Variants in MAMDC4 observed in about 807,000 individuals in gnomAD.
MAMDC4 encodes MAM domain containing 4.
Under a neutral mutation model 153.3 loss-of-function variants are expected in MAMDC4, and 168 were observed. The observed-to-expected ratio is 1.10, with a 90% CI of 0.97 to 1.25. The LOEUF is 1.25. Ranked by LOEUF, MAMDC4 falls within the 50% of genes most tolerant of loss-of-function variation. The pLI is 0.00. For missense variants in MAMDC4, 1,701 were observed against 1,542.8 expected (o/e 1.10, Z -1.72); for synonymous variants, 744 against 651.5 (o/e 1.14, Z -2.16).
intron 14 of MAMDC4, 196 bp downstream of exon 14, chr9:136,856,345 C>A: frequency 1.0e-6 from 1 of 998,088 alleles, no homozygotes; most frequent in Non-Finnish European, 1.6e-6. Flanking sequence ...GGAAGGTGGA[C>A]AAGGTCCTTC....
chr9:136,856,508 G>A (rs1202260910), intron 14 of MAMDC4: 1 of 786,610 alleles, frequency 1.3e-6, no homozygotes, highest in African/African-American at 1.7e-5. Context: ...CTGACCAGCA[G>A]GGAGCTGGGG....
intron 26 of MAMDC4, 58 bp downstream of exon 26, chr9:136,860,122 G>T: frequency 1.4e-6 from 2 of 1,480,800 alleles, no homozygotes; most frequent in South Asian, 1.4e-5. Flanking sequence ...TGACGCTGGA[G>T]GGCGGGCAGT....
rs545693065 is a variant in MAMDC4, at chr9:136,858,550, C to T, written c.2821+4C>T. 46 of 1,567,772 alleles carry T rather than the reference C, an allele frequency of 2.9e-5. No individual in the cohort carries two copies. The highest frequency in any genetic ancestry group is 3.8e-5 in the Admixed American group (2 of 52,836). On this transcript the variant is annotated splice_donor_region_variant and intron_variant, in intron 22 of 26. Coordinates refer to ENST00000317446, the MANE Select transcript of MAMDC4 (RefSeq NM_206920.3). ...CACACCCTGGGCACAGAGGCAGGTA[C>T]GTGCCCACTGGAGCCAGGTGGGGAG...
intron 19 of MAMDC4, 63 bp downstream of exon 19, chr9:136,857,859 G>T: frequency 6.4e-7 from 1 of 1,562,974 alleles, no homozygotes; most frequent in Non-Finnish European, 8.6e-7. Context: ...GTCCCCACCA[G>T]CCTTGTGCTG....
At position 136,857,436 on chromosome 9, in the gene MAMDC4, G is replaced by A; in HGVS notation, c.2176G>A (p.Gly726Ser). The A allele has an allele frequency of 6.2e-7, 1 of 1,608,280 alleles. No individual in the cohort carries two copies. The highest frequency in any genetic ancestry group is 1.1e-5 in the South Asian group (1 of 91,090). The change falls in exon 18 of 27, where the codon GGC becomes AGC. Residue 726 changes from glycine (G) to serine (S), a missense_variant. Transcript: ENST00000317446. The part of the protein sequence containing the change: ...MALDDVAVRP[G>S]PCWAPNYCSF... ...GCTGGACGATGTGGCCGTGCGGCCG[G>A]GCCCCTGCTGGGCCCCTAATTACTG...
At position 136,857,701 on chromosome 9, in the gene MAMDC4, G is replaced by A. The variant is rs773909667; in HGVS notation, c.2369G>A (p.Arg790Gln). Residue 790 changes from arginine to glutamine, a missense_variant, in exon 19 of 27, where the codon CGG (arginine) becomes CAG (glutamine). Coordinates refer to ENST00000317446, the MANE Select transcript of MAMDC4 (RefSeq NM_206920.3). ...GACACAAGCCCAGACGCACTACCCCGGGGCCAGACGGCCTCCCTGACCTCC... is the reference window on the plus strand; with the variant it reads ...GACACAAGCCCAGACGCACTACCCCAGGGCCAGACGGCCTCCCTGACCTCC... ...VVDTSPDALP[R>Q]GQTASLTSKE... The A allele has an allele frequency of 1.7e-5, 28 of 1,612,500 alleles. No homozygotes were observed. The highest frequency in any genetic ancestry group is 8.9e-5 in the East Asian group (4 of 44,876).
rs367965969 is a variant in MAMDC4 at position 136,853,406 on chromosome 9, C to T, written c.276C>T (p.Ala92=). The T allele has an allele frequency of 9.4e-6, 15 of 1,604,118 alleles. No individual in the cohort carries two copies. The highest frequency in any genetic ancestry group is 5.3e-5 in the African/African-American group (4 of 74,776). ...GYSWLRDRAG[A]ALEGPGPHSD... ...GCTGGCTCCGAGACAGGGCAGGGGCCGCACTGGAGGGTCCTGGGCCTCACT... is the reference window on the plus strand; with the variant it reads ...GCTGGCTCCGAGACAGGGCAGGGGCTGCACTGGAGGGTCCTGGGCCTCACT... Residue 92 remains alanine (A), a synonymous_variant, in exon 3 of 27, where the codon GCC becomes GCT. Coordinates refer to ENST00000317446, the MANE Select transcript of MAMDC4 (RefSeq NM_206920.3).
intron 26 of MAMDC4, 21 bp from the exon 27 acceptor site, chr9:136,860,541 A>C (rs1052974971): frequency 1.2e-6 from 2 of 1,607,690 alleles, no homozygotes; most frequent in Non-Finnish European, 1.7e-6. Flanking sequence ...AGAAAAAAAA[A>C]GCTCCTCTTC....
In MAMDC4 at chr9:136,858,044, G is replaced by A. The variant is rs528751244; in HGVS notation, c.2530G>A (p.Gly844Arg). The A allele has an allele frequency of 9.3e-5, 142 of 1,528,368 alleles. 1 individual carries two copies. The East Asian group carries it at 1.2e-3, about 13-fold the overall frequency. The allele number at this position is 1,528,368 out of a possible 1,614,324, so 94.7% of individuals were successfully genotyped here. The change falls in exon 20 of 27, where the codon GGG becomes AGG. Residue 844 changes from glycine to arginine, a missense_variant. By Grantham distance (125) the Gly-to-Arg change is moderately radical (BLOSUM62 -2). Transcript: ENST00000317446. ...HQVLSLSAHG[G>R]LAWRLGSMDV... The stretch of plus-strand genomic sequence containing the variant: ...GGTGCTCAGCCTCAGTGCCCACGGC[G>A]GGCTTGCCTGGCGCCTGGGCAGCAT...
chr9:136,859,424 TGCAC>T, intron 25 of MAMDC4, 107 bp downstream of exon 25: 1 of 1,010,362 alleles, frequency 9.9e-7, no homozygotes, highest in Non-Finnish European at 1.4e-6. Flanking sequence ...GCGAGCATGC[TGCAC>T]CCAGACAGGA....
intron 14 of MAMDC4, 63 bp downstream of exon 14, chr9:136,856,212 G>C (rs756426870): frequency 1.9e-5 from 31 of 1,611,418 alleles, no homozygotes; most frequent in Admixed American, 1.2e-4. Context: ...AGTGGGAGGG[G>C]TCTGGGGCCG....
chr9:136,853,765 C>T lies in MAMDC4; in HGVS notation c.455-12C>T. The T allele has an allele frequency of 1.2e-6, 2 of 1,607,870 alleles. No homozygotes were observed. Among genetic ancestry groups the T allele is most frequent in the South Asian group, 1.1e-5 (1 of 90,834 alleles). ...CAGGGCCGCAGCTGCCCTGGGACCC[C>T]TGACATTGCAGATGTGGCTGAACTG... On this transcript the variant is annotated splice_polypyrimidine_tract_variant and intron_variant, in intron 4 of 26. Coordinates refer to ENST00000317446, the MANE Select transcript of MAMDC4 (RefSeq NM_206920.3).
intron 8 of MAMDC4, 21 bp from the exon 9 acceptor site, chr9:136,854,741 C>A (rs1194639228): frequency 2.5e-6 from 4 of 1,612,682 alleles, no homozygotes; most frequent in Middle Eastern, 1.7e-4. Context: ...GGCCCTGGCC[C>A]ACTCCCGTCC....
intron 23 of MAMDC4, 57 bp from the exon 24 acceptor site, chr9:136,858,947 GT>G (rs1356977303): frequency 4.1e-5 from 63 of 1,523,836 alleles, no homozygotes; most frequent in Non-Finnish European, 5.5e-5. Context: ...CCCGCCCCTG[GT>G]TAGGCGTGCA....
chr9:136,858,173 C>G lies in MAMDC4; in HGVS notation c.2584-13C>G, dbSNP rs148579871. On this transcript the variant is annotated splice_polypyrimidine_tract_variant and intron_variant, in intron 20 of 26. Coordinates refer to ENST00000317446, the MANE Select transcript of MAMDC4 (RefSeq NM_206920.3). Reference sequence around the variant, plus strand: ...CTGGACCCGCTGAGGCTGCCCTGCCCTGCACCCGCCAGGTGGTGTTTGAGG... The same window carrying G: ...CTGGACCCGCTGAGGCTGCCCTGCCGTGCACCCGCCAGGTGGTGTTTGAGG... The G allele has an allele frequency of 6.4e-7, 1 of 1,572,670 alleles. No individual in the cohort carries two copies. The highest frequency in any genetic ancestry group is 1.1e-5 in the South Asian group (1 of 87,390).
Position 136,858,051 on chromosome 9 carries a change from C to T in MAMDC4, c.2537C>T (p.Ala846Val), listed in dbSNP as rs1011225138. The change falls in exon 20 of 27, where the codon GCC becomes GTC. Residue 846 changes from alanine to valine, a missense_variant. Coordinates refer to ENST00000317446, the MANE Select transcript of MAMDC4 (RefSeq NM_206920.3). ...VLSLSAHGGL[A>V]WRLGSMDVQA... is the part of the protein sequence containing the mutation. Reference sequence around the variant, plus strand: ...AGCCTCAGTGCCCACGGCGGGCTTGCCTGGCGCCTGGGCAGCATGGACGTG... The same window carrying T: ...AGCCTCAGTGCCCACGGCGGGCTTGTCTGGCGCCTGGGCAGCATGGACGTG... 15 of 1,528,212 alleles carry T rather than the reference C, an allele frequency of 9.8e-6. No individual in the cohort carries two copies. Among genetic ancestry groups the T allele is most frequent in the Non-Finnish European group, 1.3e-5 (15 of 1,139,590 alleles). 94.7% of individuals were successfully genotyped at this position (1,528,212 alleles called of 1,614,324 possible).
rs750430003 is a variant in MAMDC4, at chr9:136,859,030, GCA to G, written c.2985_2986del (p.His995GlnfsTer37). ...FYKGELKVLLHSAQGQLAVWG... is the reference protein window; with the variant it reads ...FYKGELKVLLXSAQGQLAVWG... The stretch of plus-strand genomic sequence containing the variant: ...ACAAGGGGGAGCTGAAGGTACTGCT[GCA>G]CAGTGCTCAGGGCCAGCTGGCTGTG... On this transcript the variant is annotated frameshift_variant, in exon 24 of 27. Transcript: ENST00000317446. LOFTEE classifies it high-confidence loss of function. The G allele has an allele frequency of 1.3e-6, 2 of 1,550,036 alleles. No individual in the cohort carries two copies. Among genetic ancestry groups the G allele is most frequent in the Non-Finnish European group, 1.7e-6 (2 of 1,146,366 alleles).
Position 136,855,018 on chromosome 9 carries a change from C to T in MAMDC4, c.1105C>T (p.Arg369Trp), listed in dbSNP as rs758430684. 22 of 1,600,522 alleles carry T rather than the reference C, an allele frequency of 1.4e-5. No individual in the cohort carries two copies. Among genetic ancestry groups the T allele is most frequent in the Middle Eastern group, 2.1e-4 (1 of 4,810 alleles). Residue 369 changes from arginine to tryptophan, a missense_variant, in exon 10 of 27, where the codon CGG becomes TGG. Transcript: ENST00000317446. ...GCAGACTCTGGGGCCCGGCGCCCCCCGGGCCCCCGTCCTGCTGCGGAGGCG... is the reference window on the plus strand; with the variant it reads ...GCAGACTCTGGGGCCCGGCGCCCCCTGGGCCCCCGTCCTGCTGCGGAGGCG... The part of the protein sequence containing the change: ...FLQTLGPGAP[R>W]APVLLRRRRG...
In MAMDC4 at chr9:136,856,080, C is replaced by T. The variant is rs1276123773; in HGVS notation, c.1651C>T (p.Pro551Ser). The T allele has an allele frequency of 6.2e-7, 1 of 1,612,494 alleles. No individual in the cohort carries two copies. The highest frequency in any genetic ancestry group is 1.7e-5 in the Admixed American group (1 of 60,020). Residue 551 changes from proline to serine, a missense_variant, in exon 14 of 27, where the codon CCC becomes TCC. Coordinates refer to ENST00000317446, the MANE Select transcript of MAMDC4 (RefSeq NM_206920.3). The stretch of plus-strand genomic sequence containing the variant: ...AGGCGCTGAGGCCCGGGTCCTCACA[C>T]CCCTCCTTGGCCCTTCTGGCCCCAG... ...QLGAEARVLT[P>S]LLGPSGPSCE... is the part of the protein sequence containing the mutation.
Sources: gnomAD v4.1 joint callset for allele counts on GRCh38, gnomAD v4.1.1 for gene constraint, MANE v1.5 for transcripts, NCBI Gene and HGNC (gene_info 2026-07-23, HGNC 2026-07-21) for gene names.